Variants in CCND3 observed in about 807,000 individuals in gnomAD.
CCND3 encodes the protein cyclin D3.
CCND3 carries 9 observed loss-of-function variants against 28.7 expected under a neutral mutation model. The observed-to-expected ratio is 0.31, with a 90% confidence interval of 0.19 to 0.55. The LOEUF is 0.55. Among genes scored for constraint, CCND3 ranks in the 20% least tolerant of loss-of-function variants. The pLI is 0.93. For synonymous variants in CCND3, 164 were observed against 163.9 expected (o/e 1.00, Z 0.00); for missense variants, 315 against 385.8 (o/e 0.82, Z 1.54).
rs769906393 is a variant in CCND3, at chr6:42,048,493, A to G, written c.-46+8T>C. 1 of 510,008 alleles carries G rather than the reference A, an allele frequency of 2.0e-6. No homozygotes were observed. Among genetic ancestry groups the G allele is most frequent in the Non-Finnish European group, 3.9e-6 (1 of 256,060 alleles). 31.6% of individuals were successfully genotyped at this position (510,008 alleles called of 1,614,324 possible). A position where few individuals can be genotyped will look rare whatever the true frequency, so the allele number is the denominator to read the frequency against. On this transcript the variant is annotated splice_region_variant and intron_variant, in intron 1 of 4. Transcript: ENST00000372988. This position sits in a 1 kb window ranked among gnomAD's most constrained non-coding sequence, Gnocchi z 4.7. ...ATCTACCCCGGTTTCTCCAGCACCCAAGCCTACCTCCTCGTCAGGTGACCT... is the reference window on the plus strand; with the variant it reads ...ATCTACCCCGGTTTCTCCAGCACCCGAGCCTACCTCCTCGTCAGGTGACCT...
chr6:41,972,899 T>A (rs1438431833), intron 1 of CCND3, among the ~76,000 whole-genome samples: 9 of 150,284 alleles, frequency 6.0e-5, no homozygotes, highest in Non-Finnish European at 8.9e-5. Flanking sequence ...TAAAAATATA[T>A]ATATATATGA....
intron 1 of CCND3, among the ~76,000 whole-genome samples, chr6:41,951,351 G>C (rs554223040): frequency 6.6e-5 from 10 of 151,574 alleles, no homozygotes; most frequent in Admixed American, 5.9e-4. Flanking sequence ...TCAAGAGATC[G>C]AGACCAACCT....
At chr6:41,991,481 A>C (rs1186306255) in intron 1 of CCND3, among the ~76,000 whole-genome samples, 2 of 152,248 alleles carry the variant, frequency 1.3e-5, no homozygotes, top group African/African-American at 4.8e-5. Context: ...TAATTGATAC[A>C]TAATAATTGT....
intron 1 of CCND3, among the ~76,000 whole-genome samples, chr6:41,995,561 AT>A (rs1762777279): frequency 6.6e-6 from 1 of 152,132 alleles, no homozygotes; most frequent in African/African-American, 2.4e-5. Flanking sequence ...TGCCCAAAGT[AT>A]TTCTAATAAA....
At chr6:42,000,056 G>GTA (rs1320109407) in intron 1 of CCND3, among the ~76,000 whole-genome samples, 2 of 150,812 alleles carry the variant, frequency 1.3e-5, no homozygotes, top group African/African-American at 4.9e-5. Flanking sequence ...GTATGTGTGT[G>GTA]TGCATATGTG....
chr6:42,007,659 G>A (rs1017036376), intron 1 of CCND3, among the ~76,000 whole-genome samples: 7 of 152,286 alleles, frequency 4.6e-5, no homozygotes, highest in South Asian at 4.1e-4. Context: ...ATTAGGTGAC[G>A]TAAAAAATTT....
Position 41,935,623 on chromosome 6 carries a change from G to C in CCND3, c.*317C>G. On this transcript the variant is annotated 3_prime_UTR_variant, in exon 5 of 5. Coordinates refer to ENST00000372991, the MANE Select transcript of CCND3 (RefSeq NM_001760.5). ...ACATGAGAGCCCCCAGGGGTGGGGG[G>C]GGGCGTTCAAAAGGAATGCTGGTGT... is the stretch of plus-strand genomic sequence containing the variant. 1 of 470,170 alleles carries C rather than the reference G, an allele frequency of 2.1e-6. No homozygotes were observed. Among genetic ancestry groups the C allele is most frequent in the East Asian group, 3.1e-5 (1 of 32,634 alleles). 29.1% of individuals were successfully genotyped at this position (470,170 alleles called of 1,614,324 possible).
rs1232510084 is a variant in CCND3 at position 42,048,950 on chromosome 6, G to C, written c.-495C>G. On this transcript the variant is annotated 5_prime_UTR_variant, in exon 1 of 5. Transcript: ENST00000372988. The surrounding 1 kb of genome is among the most constrained non-coding windows in gnomAD (Gnocchi z 4.7). Reference sequence around the variant, plus strand: ...GTGGGCGGCGGGGCCGGGGCAGCACGGGTTCCCGGACCGCTGCCTCCCGGC... The same window carrying C: ...GTGGGCGGCGGGGCCGGGGCAGCACCGGTTCCCGGACCGCTGCCTCCCGGC... 1 of 208,794 alleles carries C rather than the reference G, an allele frequency of 4.8e-6. No homozygotes were observed. The highest frequency in any genetic ancestry group is 9.5e-6 in the Non-Finnish European group (1 of 105,752). 12.9% of individuals were successfully genotyped at this position (208,794 alleles called of 1,614,324 possible).
chr6:41,949,322 T>C (rs937629722), intron 1 of CCND3, among the ~76,000 whole-genome samples: 17 of 151,768 alleles, frequency 1.1e-4, no homozygotes, highest in African/African-American at 3.9e-4. Flanking sequence ...CTGGCCAACA[T>C]AGTGGAACCC....
At chr6:42,001,875 G>A (rs1216933286) in intron 1 of CCND3, among the ~76,000 whole-genome samples, 1 of 152,180 alleles carries the variant, frequency 6.6e-6, no homozygotes, top group East Asian at 1.9e-4. Context: ...AGAACTTTGG[G>A]AGGCTGAGGT....
intron 1 of CCND3, among the ~76,000 whole-genome samples, chr6:42,016,802 C>T (rs946323734): frequency 1.3e-5 from 2 of 152,076 alleles, no homozygotes; most frequent in African/African-American, 4.8e-5. Context: ...CTAGGCTGGT[C>T]TTGAACTCCT....
chr6:42,044,783 T>TTTTATTTATTTATTTATTTATTTA (rs70987565), intron 1 of CCND3, among the ~76,000 whole-genome samples: 1,435 of 143,110 alleles, frequency 0.01, 28 homozygotes, highest in African/African-American at 0.033. Flanking sequence ...CTTTCTTTCC[T>TTTTATTTATTTATTTATTTATTTA]TTTATTTATT....
chr6:41,950,058 A>G (rs1409497328), intron 1 of CCND3, among the ~76,000 whole-genome samples: 2 of 151,384 alleles, frequency 1.3e-5, no homozygotes, highest in East Asian at 1.9e-4. Flanking sequence ...AGATCACGCC[A>G]CTGCACTCCA....
rs371334921 is a variant in CCND3 at position 41,937,405 on chromosome 6, G to A, written c.415-11C>T. ...CAGCACCTCCCAGTCCTGAAAAAGC[G>A]GGGAAAGGGTGGGGTCAGTGGCTGG... On this transcript the variant is annotated splice_polypyrimidine_tract_variant and intron_variant, in intron 2 of 4. Coordinates refer to ENST00000372991, the MANE Select transcript of CCND3 (RefSeq NM_001760.5). The A allele has an allele frequency of 1.6e-4, 253 of 1,613,942 alleles. No individual in the cohort carries two copies. The highest frequency in any genetic ancestry group is 7.8e-4 in the Admixed American group (47 of 60,028).
chr6:42,012,706 A>G (rs575493979), intron 1 of CCND3, among the ~76,000 whole-genome samples: 1 of 152,340 alleles, frequency 6.6e-6, no homozygotes, highest in African/African-American at 2.4e-5. Flanking sequence ...TTGGCTATTA[A>G]AATGTGGGTA....
chr6:41,961,175 A>C (rs777404523), intron 1 of CCND3, among the ~76,000 whole-genome samples: 17 of 152,210 alleles, frequency 1.1e-4, no homozygotes, highest in Non-Finnish European at 1.9e-4. Context: ...CAATGCCTTC[A>C]TCAAAACAAT....
In CCND3 at chr6:42,048,627, C is replaced by T. The variant is rs1764617159; in HGVS notation, c.-172G>A. 1.9e-6 allele frequency: 1 copy of T among 517,954 alleles called. No individual in the cohort carries two copies. The highest frequency in any genetic ancestry group is 3.9e-6 in the Non-Finnish European group (1 of 259,540). The allele number at this position is 517,954 out of a possible 1,614,324, so 32.1% of individuals were successfully genotyped here. ...ACCAGCCGCGAGGAGAGGATTGCAC[C>T]TCTCCCCCCCGGCCGGCATCCGAAC... On this transcript the variant is annotated 5_prime_UTR_variant, in exon 1 of 5. Coordinates refer to the CCND3 transcript ENST00000372988. The surrounding 1 kb of genome is among the most constrained non-coding windows in gnomAD (Gnocchi z 4.7).
At chr6:41,979,315 C>T (rs916132379) in intron 1 of CCND3, among the ~76,000 whole-genome samples, 5 of 151,688 alleles carry the variant, frequency 3.3e-5, no homozygotes, top group Admixed American at 6.6e-5. Context: ...GGGTGGATCA[C>T]GAGGTCAGGA....
intron 1 of CCND3, among the ~76,000 whole-genome samples, chr6:41,950,892 TAG>T (rs2127399784): frequency 6.6e-6 from 1 of 151,920 alleles, no homozygotes; most frequent in South Asian, 2.1e-4. Context: ...GTATTTTTAG[TAG>T]AGTTGGGGTT....
Sources: allele counts gnomAD v4.1 joint callset (sites outside exome capture counted in the v4.1 genomes callset), GRCh38; gene constraint gnomAD v4.1.1; non-coding constraint Gnocchi (gnomAD v3.1); transcripts MANE v1.5; gene names NCBI Gene and HGNC (gene_info 2026-07-23, HGNC 2026-07-21).